The following REEP3 variants were observed in gnomAD, a reference collection of about 807,000 sequenced individuals.
The protein encoded by REEP3 is receptor accessory protein 3, also known as receptor expression-enhancing protein 3.
Under a neutral mutation model 41.3 loss-of-function variants are expected in REEP3, and 20 were observed. The observed-to-expected ratio is 0.48, with a 90% CI of 0.34 to 0.70. The LOEUF (loss-of-function observed/expected upper bound fraction) is 0.70, where lower values mean the gene tolerates loss of function less well. Among genes scored for constraint, REEP3 ranks in the 30% least tolerant of loss-of-function variants. The pLI is 0.01. For missense variants in REEP3, 271 were observed against 308.8 expected (o/e 0.88, Z 0.92); for synonymous variants, 104 against 101.8 (o/e 1.02, Z -0.13).
chr10:63,601,798 G>A (rs1045395415), intron 5 of REEP3, among the ~76,000 whole-genome samples: 1 of 152,076 alleles, frequency 6.6e-6, no homozygotes, highest in Non-Finnish European at 1.5e-5. Context: ...GTGGGCACCT[G>A]TAGTCCCAGC....
chr10:63,568,535 G>A (rs990012427), intron 2 of REEP3, among the ~76,000 whole-genome samples: 3 of 151,940 alleles, frequency 2.0e-5, no homozygotes, highest in African/African-American at 7.3e-5. Context: ...CCAAAGTGCT[G>A]GGATTACAGG....
chr10:63,533,072 A>G (rs1327965180), intron 1 of REEP3, among the ~76,000 whole-genome samples: 1 of 152,236 alleles, frequency 6.6e-6, no homozygotes, highest in Non-Finnish European at 1.5e-5. Context: ...AACGTCTAAA[A>G]TTGTTCAACT....
chr10:63,595,461 A>C (rs1272869759), intron 3 of REEP3, among the ~76,000 whole-genome samples: 1 of 152,232 alleles, frequency 6.6e-6, no homozygotes, highest in Non-Finnish European at 1.5e-5. Flanking sequence ...TAAACCCTGC[A>C]ATCACTTTGA....
intron 1 of REEP3, among the ~76,000 whole-genome samples, chr10:63,527,372 C>T (rs1173745155): frequency 6.6e-6 from 1 of 152,026 alleles, no homozygotes; most frequent in Non-Finnish European, 1.5e-5. Context: ...AGCAAAAATT[C>T]CTCAGAAGAA....
At chr10:63,538,138 A>G (rs1955492767) in intron 1 of REEP3, among the ~76,000 whole-genome samples, 1 of 152,234 alleles carries the variant, frequency 6.6e-6, no homozygotes, top group Admixed American at 6.5e-5. Flanking sequence ...ATTGAAATGT[A>G]GAATAATATT....
chr10:63,586,808 A>C (rs1273220630), intron 2 of REEP3, among the ~76,000 whole-genome samples: 2 of 152,316 alleles, frequency 1.3e-5, no homozygotes, highest in East Asian at 3.9e-4. Flanking sequence ...CTGGGATTAA[A>C]AGCATGAGCC....
intron 2 of REEP3, among the ~76,000 whole-genome samples, chr10:63,571,108 G>C (rs1200548990): frequency 6.6e-6 from 1 of 152,164 alleles, no homozygotes; most frequent in African/African-American, 2.4e-5. Context: ...GACAGAGTGA[G>C]ACCATCGGGT....
chr10:63,602,081 T>C (rs927239339), intron 5 of REEP3, among the ~76,000 whole-genome samples: 6 of 150,418 alleles, frequency 4.0e-5, no homozygotes, highest in Admixed American at 2.7e-4. Flanking sequence ...TTGGCGGCAA[T>C]GTAAAGAGGA....
At chr10:63,533,297 A>G (rs1454509132) in intron 1 of REEP3, among the ~76,000 whole-genome samples, 3 of 152,184 alleles carry the variant, frequency 2.0e-5, no homozygotes, top group Non-Finnish European at 4.4e-5. Flanking sequence ...GTCGTTCTTG[A>G]GTGTTGACAT....
In REEP3 at chr10:63,620,952, A is replaced by G. The variant is rs1956349239; in HGVS notation, c.*83A>G. On this transcript the variant is annotated 3_prime_UTR_variant, in exon 8 of 8. Coordinates refer to ENST00000373758, the MANE Select transcript of REEP3 (RefSeq NM_001001330.3). ...CTAACATGATATATTCAGGATTTAC[A>G]CATTAAAATGATTATTTAAATTGTG... is the stretch of plus-strand genomic sequence containing the variant. The G allele has an allele frequency of 4.8e-6, 4 of 826,018 alleles. No homozygotes were observed. The South Asian group carries it at 6.9e-5, about 14-fold the overall frequency. 51.2% of individuals were successfully genotyped at this position (826,018 alleles called of 1,614,324 possible).
At chr10:63,616,817 T>C (rs998368037) in intron 6 of REEP3, among the ~76,000 whole-genome samples, 2 of 152,050 alleles carry the variant, frequency 1.3e-5, no homozygotes, top group Non-Finnish European at 2.9e-5. Context: ...AATCTAGAAA[T>C]GACAACCTAA....
At chr10:63,586,376 T>C (rs1589877150) in intron 2 of REEP3, among the ~76,000 whole-genome samples, 1 of 152,192 alleles carries the variant, frequency 6.6e-6, no homozygotes, top group East Asian at 1.9e-4. Flanking sequence ...CGCAGATGAC[T>C]CCATATTCTT....
chr10:63,526,878 G>T (rs2133335872), intron 1 of REEP3, among the ~76,000 whole-genome samples: 1 of 152,152 alleles, frequency 6.6e-6, no homozygotes, highest in Non-Finnish European at 1.5e-5. Context: ...AGAGTTTATA[G>T]TTTTAATATA....
rs1956386277 is a variant in REEP3, at chr10:63,625,076, T to G, written c.*4207T>G. ...TTCATTTTCATTATGAGGTATATAC[T>G]TGTAATGATCTAAAGAGGTTAGAAA... On this transcript the variant is annotated 3_prime_UTR_variant, in exon 8 of 8. Transcript: ENST00000373758. 1.3e-5 allele frequency: 2 copies of G among 152,200 alleles called. No homozygotes were observed. Among genetic ancestry groups the G allele is most frequent in the South Asian group, 4.1e-4 (2 of 4,838 alleles). The allele number at this position is 152,200 out of a possible 1,614,324, so 9.4% of individuals were successfully genotyped here. A position where few individuals can be genotyped will look rare whatever the true frequency, so the allele number is the denominator to read the frequency against.
At chr10:63,542,828 A>G (rs1227287242) in intron 1 of REEP3, among the ~76,000 whole-genome samples, 1 of 152,184 alleles carries the variant, frequency 6.6e-6, no homozygotes, top group Non-Finnish European at 1.5e-5. Context: ...CCGTAAGTCT[A>G]ATAGATTAAT....
chr10:63,564,605 G>A (rs573422494), intron 1 of REEP3, among the ~76,000 whole-genome samples: 160 of 150,980 alleles, frequency 1.1e-3, no homozygotes, highest in South Asian at 3.8e-3. Context: ...TCTGGGCGAC[G>A]GCGAGACCCT....
intron 1 of REEP3, among the ~76,000 whole-genome samples, chr10:63,537,960 CCG>C (rs1955490866): frequency 1.4e-5 from 2 of 143,482 alleles, no homozygotes; most frequent in Non-Finnish European, 3.0e-5. Flanking sequence ...TCTTCCCCCC[CCG>C]ACCCCCATTG....
chr10:63,615,633 C>T (rs961911034), intron 6 of REEP3, among the ~76,000 whole-genome samples: 1 of 151,880 alleles, frequency 6.6e-6, no homozygotes, highest in African/African-American at 2.4e-5. Context: ...GCAGCCTCCA[C>T]CTCCCAGGTT....
At chr10:63,588,307 C>G (rs534928280) in intron 2 of REEP3, among the ~76,000 whole-genome samples, 5 of 152,330 alleles carry the variant, frequency 3.3e-5, no homozygotes, top group Admixed American at 3.3e-4. Flanking sequence ...TTGTCTATCT[C>G]ATCCAGGATC....
Sources: gnomAD v4.1 joint callset for allele counts (sites outside exome capture counted in the v4.1 genomes callset) on GRCh38, gnomAD v4.1.1 for gene constraint, MANE v1.5 for transcripts, NCBI Gene and HGNC (gene_info 2026-07-23, HGNC 2026-07-21) for gene names.